CHD7: variants seen among roughly 807,000 people sequenced by gnomAD.
CHD7 encodes the protein ATP-dependent chromatin remodeler CHD7.
CHD7 carries 24 observed loss-of-function variants against 307.3 expected under a neutral mutation model. The ratio of observed to expected loss-of-function variants is 0.08; its 90% CI spans 0.06 to 0.11. CHD7 has a LOEUF of 0.11. Among genes scored for constraint, CHD7 ranks in the 10% least tolerant of loss-of-function variants. The pLI, the probability that CHD7 is intolerant of heterozygous loss-of-function variation, is 1.00. For missense variants in CHD7, 3,106 were observed against 3,727.1 expected, an observed-to-expected ratio of 0.83 and a Z score of 4.34; for synonymous variants, 1,363 against 1,349.9, an observed-to-expected ratio of 1.01 and a Z score of -0.21.
Position 60,844,849 on chromosome 8 carries a change from A to T in CHD7, c.4851-15A>T. 6.4e-7 allele frequency: 1 copy of T among 1,572,112 alleles called. No homozygotes were observed. The highest frequency in any genetic ancestry group is 1.2e-5 in the South Asian group (1 of 83,926). On this transcript the variant is annotated splice_polypyrimidine_tract_variant and intron_variant, in intron 21 of 37. Transcript: ENST00000423902. ...ACTCACAGGCACCTCTGCATGCTGG[A>T]TATTTGCTTTGCAGTTGGGGACGGT...
intron 1 of CHD7, among the ~76,000 whole-genome samples, chr8:60,731,676 A>G (rs1295238994): frequency 1.3e-5 from 2 of 152,242 alleles, no homozygotes; most frequent in East Asian, 3.8e-4. Context: ...TTGAAACCAA[A>G]ATTTAGTGTC....
In CHD7 at chr8:60,830,324, G is replaced by A. The variant is rs1804451207; in HGVS notation, c.3525G>A (p.Val1175=). 3 of 1,608,462 alleles carry A rather than the reference G, an allele frequency of 1.9e-6. No homozygotes were observed. The highest frequency in any genetic ancestry group is 1.7e-5 in the Admixed American group (1 of 58,758). Residue 1175 remains valine (V), a splice_region_variant and synonymous_variant, in exon 15 of 38, where the codon GTG becomes GTA. Coordinates refer to ENST00000423902, the MANE Select transcript of CHD7 (RefSeq NM_017780.4). Reference sequence around the variant, plus strand: ...ATTTACTTAAGGTCCTTTTTTAGGTGCAAAAACTTCAAGCTATTCTAAAGC... The same window carrying A: ...ATTTACTTAAGGTCCTTTTTTAGGTACAAAAACTTCAAGCTATTCTAAAGC... ...EFGDLKTEEQ[V]QKLQAILKPM...
intron 1 of CHD7, among the ~76,000 whole-genome samples, chr8:60,732,078 T>C (rs1222406923): frequency 6.6e-6 from 1 of 152,280 alleles, no homozygotes; most frequent in African/African-American, 2.4e-5. Flanking sequence ...TCAGTTGTGA[T>C]GTTGCCCAGG....
intron 1 of CHD7, among the ~76,000 whole-genome samples, chr8:60,689,443 A>T (rs1179445012): frequency 6.6e-6 from 1 of 152,250 alleles, no homozygotes; most frequent in Non-Finnish European, 1.5e-5. Flanking sequence ...GCTATTTTAC[A>T]GGTGAAGAGG....
At chr8:60,859,588 G>A (rs1006176395) in intron 34 of CHD7, among the ~76,000 whole-genome samples, 1 of 152,166 alleles carries the variant, frequency 6.6e-6, no homozygotes, top group Admixed American at 6.5e-5. Context: ...GAGGATATGG[G>A]GAGAAACAGA....
intron 1 of CHD7, among the ~76,000 whole-genome samples, chr8:60,706,389 A>G (rs1017862): frequency 0.52 from 79,060 of 152,140 alleles, 25,077 homozygotes; most frequent in East Asian, 0.74. Context: ...TTATGATACC[A>G]TGAAATATTT....
rs1804809357 is a variant in CHD7 at position 60,837,923 on chromosome 8, T to A, written c.4353+88T>A. The A allele has an allele frequency of 1.3e-5, 17 of 1,344,520 alleles. No homozygotes were observed. The South Asian group carries it at 2.1e-4, about 17-fold the overall frequency. 83.3% of individuals were successfully genotyped at this position (1,344,520 alleles called of 1,614,324 possible). A position where few individuals can be genotyped will look rare whatever the true frequency, so the allele number is the denominator to read the frequency against. On this transcript the variant is annotated intron_variant, in intron 18 of 37. Transcript: ENST00000423902. ...TAAGAAATTACTCAGCCTTTGATTA[T>A]TTTTCGACCTCAATATTTTAAGTGT... is the stretch of plus-strand genomic sequence containing the variant.
At chr8:60,725,058 G>A (rs770786949) in intron 1 of CHD7, among the ~76,000 whole-genome samples, 1 of 152,196 alleles carries the variant, frequency 6.6e-6, no homozygotes, top group Non-Finnish European at 1.5e-5. Flanking sequence ...CCTTCAACAA[G>A]TGCATTCATG....
At chr8:60,707,140 G>C (rs1807063239) in intron 1 of CHD7, among the ~76,000 whole-genome samples, 1 of 152,260 alleles carries the variant, frequency 6.6e-6, no homozygotes, top group East Asian at 1.9e-4. Flanking sequence ...CTGTGTAGAA[G>C]CTCTGAATAT....
intron 1 of CHD7, among the ~76,000 whole-genome samples, chr8:60,682,578 A>G (rs954154608): frequency 2.0e-5 from 3 of 152,214 alleles, no homozygotes; most frequent in Non-Finnish European, 4.4e-5. Context: ...CACAGTCACC[A>G]TGCCTTTAGT....
At chr8:60,777,854 A>G (rs1026846383) in intron 2 of CHD7, among the ~76,000 whole-genome samples, 1 of 152,196 alleles carries the variant, frequency 6.6e-6, no homozygotes, top group African/African-American at 2.4e-5. Context: ...CAAATGGGAT[A>G]TGGAATTATA....
chr8:60,853,998 G>A (rs1240796581), intron 31 of CHD7, among the ~76,000 whole-genome samples: 1 of 152,192 alleles, frequency 6.6e-6, no homozygotes, highest in Non-Finnish European at 1.5e-5. Flanking sequence ...GTACTGTGCT[G>A]TAGCTGGAAC....
chr8:60,840,998 G>C (rs762537385), intron 19 of CHD7, among the ~76,000 whole-genome samples: 2 of 152,178 alleles, frequency 1.3e-5, no homozygotes, highest in Non-Finnish European at 2.9e-5. Context: ...TTCTTCTGCT[G>C]TGTTCTGACC....
intron 23 of CHD7, 26 bp downstream of exon 23, chr8:60,845,435 A>G: frequency 1.2e-6 from 2 of 1,610,004 alleles, no homozygotes; most frequent in Non-Finnish European, 1.7e-6. Context: ...GTGGACCTGG[A>G]GAGCTTAATT....
At chr8:60,714,767 T>A (rs1246261201) in intron 1 of CHD7, among the ~76,000 whole-genome samples, 1 of 152,156 alleles carries the variant, frequency 6.6e-6, no homozygotes, top group Non-Finnish European at 1.5e-5. Context: ...TAGGTCCCCG[T>A]AACTTGACCT....
chr8:60,742,124 G>A lies in CHD7; in HGVS notation c.692G>A (p.Gly231Glu). The A allele has an allele frequency of 6.2e-7, 1 of 1,613,886 alleles. No individual in the cohort carries two copies. Among genetic ancestry groups the A allele is most frequent in the Non-Finnish European group, 8.5e-7 (1 of 1,179,862 alleles). The change falls in exon 2 of 38, where the codon GGA (glycine) becomes GAA (glutamate). Residue 231 changes from glycine (G) to glutamate (E), a missense_variant. Physicochemically the swap from Gly to Glu is moderately conservative, Grantham distance 98 (BLOSUM62 -2). This residue lies in a region of CHD7 where 998 missense variants were observed against 1,004.5 expected (regional missense o/e 0.99). Coordinates refer to ENST00000423902, the MANE Select transcript of CHD7 (RefSeq NM_017780.4). ...NQGNPFIATS[G>E]PGHLSHVPQQ... The stretch of plus-strand genomic sequence containing the variant: ...GGAAATCCTTTTATTGCCACCTCAG[G>A]ACCTGGCCACTTGTCCCACGTGCCC...
At chr8:60,752,471 G>A (rs546314751) in intron 2 of CHD7, among the ~76,000 whole-genome samples, 81 of 152,336 alleles carry the variant, frequency 5.3e-4, no homozygotes, top group Middle Eastern at 3.4e-3. Flanking sequence ...TCTTGCCAGC[G>A]GCTGCTCAGT....
intron 2 of CHD7, among the ~76,000 whole-genome samples, chr8:60,767,713 C>T (rs944550059): frequency 2.6e-5 from 4 of 152,330 alleles, no homozygotes; most frequent in Admixed American, 6.5e-5. Flanking sequence ...TGCTGGGACT[C>T]ACTCTGAGTG....
At chr8:60,718,693 TA>T (rs1807743048) in intron 1 of CHD7, among the ~76,000 whole-genome samples, 1 of 152,172 alleles carries the variant, frequency 6.6e-6, no homozygotes, top group Non-Finnish European at 1.5e-5. Flanking sequence ...AAAGAAAAAT[TA>T]ATTTTCATAA....
Sources: gnomAD v4.1 joint callset for allele counts (sites outside exome capture counted in the v4.1 genomes callset) on GRCh38, gnomAD v4.1.1 for gene constraint, gnomAD v4.1.1 regional missense constraint, MANE v1.5 for transcripts, NCBI Gene and HGNC (gene_info 2026-07-23, HGNC 2026-07-21) for gene names.